Variants in TBP observed in about 807,000 individuals in gnomAD.
The protein encoded by TBP is TATA-box binding protein, also known as TATA-box-binding protein.
A neutral mutation model predicts 46.2 loss-of-function variants in TBP; 12 were observed. The ratio of observed to expected loss-of-function variants is 0.26; its 90% confidence interval spans 0.17 to 0.42. The LOEUF is 0.42. TBP is among the 10% of genes least tolerant of loss of function. The probability of loss-of-function intolerance (pLI) is 1.00; values close to 1 mark genes in which losing one functional copy is unlikely to be tolerated. For missense variants in TBP, 229 were observed against 403.1 expected, an observed-to-expected ratio of 0.57 and a Z score of 3.70; for synonymous variants, 157 against 148.3, an observed-to-expected ratio of 1.06 and a Z score of -0.42.
intron 3 of TBP, among the ~76,000 whole-genome samples, chr6:170,563,020 A>G (rs12200657): frequency 0.066 from 9,967 of 152,130 alleles, 422 homozygotes; most frequent in African/African-American, 0.11. Flanking sequence ...ATCTCTCATC[A>G]TTTTTGGAAC....
chr6:170,562,190 G>A lies in TBP; in HGVS notation c.454G>A (p.Ala152Thr), dbSNP rs773248432. The A allele has an allele frequency of 6.2e-7, 1 of 1,614,104 alleles. No homozygotes were observed. Among genetic ancestry groups the A allele is most frequent in the East Asian group, 2.2e-5 (1 of 44,880 alleles). Residue 152 changes from alanine to threonine, a missense_variant, in exon 3 of 8, where the codon GCC becomes ACC. This residue lies in a region of TBP where 67 missense variants were observed against 188.2 expected (regional missense o/e 0.36). Coordinates refer to ENST00000392092, the MANE Select transcript of TBP (RefSeq NM_003194.5). ...GACTCCCATGACCCCCATCACTCCT[G>A]CCACGCCAGCTTCGGAGAGTTCTGG... ...PMTPMTPITP[A>T]TPASESSGIV...
At chr6:170,557,788 C>CA (rs1357257876) in intron 2 of TBP, among the ~76,000 whole-genome samples, 2 of 116,466 alleles carry the variant, frequency 1.7e-5, no homozygotes, top group South Asian at 3.0e-4. Context: ...AATATACATA[C>CA]AAAAAAACTC....
chr6:170,567,577 A>G (rs909400170), intron 5 of TBP: 5 of 152,252 alleles, frequency 3.3e-5, no homozygotes. Flanking sequence ...AATAACACAA[A>G]TACATCTTGA....
chr6:170,561,711 G>A, intron 2 of TBP, 80 bp from the exon 3 acceptor site: 1 of 1,553,874 alleles, frequency 6.4e-7, no homozygotes, highest in Non-Finnish European at 8.7e-7. Flanking sequence ...TTGCACACCT[G>A]ACCTGCTGTT....
At chr6:170,563,760 T>C (rs1258113470) in intron 3 of TBP, among the ~76,000 whole-genome samples, 1 of 152,252 alleles carries the variant, frequency 6.6e-6, no homozygotes, top group African/African-American at 2.4e-5. Context: ...TGCGAGACAG[T>C]TGTTGAGCAG....
At chr6:170,563,920 T>C (rs1779195586) in intron 3 of TBP, among the ~76,000 whole-genome samples, 1 of 152,252 alleles carries the variant, frequency 6.6e-6, no homozygotes, top group Non-Finnish European at 1.5e-5. Flanking sequence ...CTTGTATAAG[T>C]TATTCGTTAA....
chr6:170,558,338 T>C (rs1207680183), intron 2 of TBP, among the ~76,000 whole-genome samples: 1 of 152,228 alleles, frequency 6.6e-6, no homozygotes, highest in African/African-American at 2.4e-5. Context: ...CTCCACATCC[T>C]CACCAACACT....
At chr6:170,560,412 G>A (rs1431765531) in intron 2 of TBP, among the ~76,000 whole-genome samples, 1 of 152,174 alleles carries the variant, frequency 6.6e-6, no homozygotes, top group Non-Finnish European at 1.5e-5. Flanking sequence ...GGCTGAGGCG[G>A]GAGGGTCACT....
chr6:170,562,112 A>G lies in TBP; in HGVS notation c.376A>G (p.Thr126Ala). Residue 126 changes from threonine (T) to alanine (A), a missense_variant, in exon 3 of 8, where the codon ACT becomes GCT. Thr to Ala is a moderately conservative substitution (Grantham distance 58, BLOSUM62 0). This residue lies in a region of TBP where 69 missense variants were observed against 66.2 expected (regional missense o/e 1.04). Coordinates refer to ENST00000392092, the MANE Select transcript of TBP (RefSeq NM_003194.5). ...GGCACCACAGCTCTTCCACTCACAG[A>G]CTCTCACAACTGCACCCTTGCCGGG... ...GQAPQLFHSQTLTTAPLPGTT... is the reference protein window; with the variant it reads ...GQAPQLFHSQALTTAPLPGTT... 6.2e-7 allele frequency: 1 copy of G among 1,613,144 alleles called. No individual in the cohort carries two copies. The highest frequency in any genetic ancestry group is 8.5e-7 in the Non-Finnish European group (1 of 1,179,756).
At position 170,567,037 on chromosome 6, in the gene TBP, T is replaced by C. The variant is rs750153878; in HGVS notation, c.677+28T>C. 3.8e-6 allele frequency: 6 copies of C among 1,589,120 alleles called. No homozygotes were observed. In the East Asian group the frequency reaches 1.1e-4, roughly 30 times the overall value. On this transcript the variant is annotated intron_variant, in intron 5 of 7. Transcript: ENST00000392092. Reference sequence around the variant, plus strand: ...AGCCGTAAGAAATTCATTCTTCTGGTCTATGGGTTATGAATGAAAAGGTGA... The same window carrying C: ...AGCCGTAAGAAATTCATTCTTCTGGCCTATGGGTTATGAATGAAAAGGTGA...
rs745849827 is a variant in TBP, at chr6:170,572,656, A to G, written c.*391A>G. 5.5e-6 allele frequency: 1 copy of G among 181,052 alleles called. No homozygotes were observed. Among genetic ancestry groups the G allele is most frequent in the Non-Finnish European group, 1.1e-5 (1 of 87,644 alleles). The allele number at this position is 181,052 out of a possible 1,614,324, so 11.2% of individuals were successfully genotyped here. On this transcript the variant is annotated 3_prime_UTR_variant, in exon 8 of 8. Coordinates refer to ENST00000392092, the MANE Select transcript of TBP (RefSeq NM_003194.5). ...TTTCCCCATGAACCACAGTTTTTAT[A>G]TTTCTACCAGAAAAGTAAAAATCTT...
intron 2 of TBP, among the ~76,000 whole-genome samples, chr6:170,559,336 G>C (rs1054912511): frequency 3.3e-5 from 5 of 152,174 alleles, no homozygotes; most frequent in African/African-American, 1.2e-4. Context: ...TAGGCCTCTT[G>C]CACCAAATAG....
chr6:170,557,005 G>T lies in TBP; in HGVS notation c.-25G>T. The T allele has an allele frequency of 6.2e-7, 1 of 1,613,572 alleles. No individual in the cohort carries two copies. Among genetic ancestry groups the T allele is most frequent in the Middle Eastern group, 1.7e-4 (1 of 6,060 alleles). On this transcript the variant is annotated 5_prime_UTR_variant, in exon 2 of 8. Transcript: ENST00000392092. Reference sequence around the variant, plus strand: ...ACGAGTTCCAGCGCAAGGGTTTCTGGTTTGCCAAGAAGAAAGTGAACATCA... The same window carrying T: ...ACGAGTTCCAGCGCAAGGGTTTCTGTTTTGCCAAGAAGAAAGTGAACATCA...
At chr6:170,571,625 C>T in intron 7 of TBP, 121 bp downstream of exon 7, 1 of 739,920 alleles carries the variant, frequency 1.4e-6, no homozygotes, top group Non-Finnish European at 2.3e-6. Context: ...ACAAAGGCCT[C>T]CCACCCAAAG....
chr6:170,571,295 T>C, intron 6 of TBP, 115 bp from the exon 7 acceptor site: 1 of 700,354 alleles, frequency 1.4e-6, no homozygotes. Context: ...TGAAGAACTG[T>C]GTTTTACCTC....
At chr6:170,557,131 C>T (rs1779044209) in intron 2 of TBP, 48 bp downstream of exon 2, 2 of 1,540,100 alleles carry the variant, frequency 1.3e-6, no homozygotes, top group South Asian at 1.1e-5. Context: ...ATCTGAACTG[C>T]AAGAGATGGT....
At position 170,568,815 on chromosome 6, in the gene TBP, C is replaced by CTTTT. The variant is rs377394208; in HGVS notation, c.678-773_678-770dup. 5.0e-3 allele frequency among the ~76,000 whole-genome samples: 310 copies of CTTTT among 62,596 alleles called. 89 individuals are homozygous for CTTTT. Among genetic ancestry groups the CTTTT allele is most frequent in the African/African-American group, 0.014 (201 of 14,826 alleles). The allele number at this position is 62,596 out of a possible 152,430, so 41.1% of individuals were successfully genotyped here. ...TTCTCTTCTTTCTTTCTTTCCTTTT[C>CTTTT]TTTTTTTTTTTTTTTTTTTTTTTTT... On this transcript the variant is annotated intron_variant, in intron 5 of 7. Transcript: ENST00000392092.
intron 3 of TBP, 88 bp from the exon 4 acceptor site, chr6:170,564,457 A>G (rs1365451291): frequency 1.1e-6 from 1 of 880,444 alleles, no homozygotes; most frequent in Non-Finnish European, 1.8e-6. Context: ...TGGTTGAAAT[A>G]ATCAGATGTC....
intron 4 of TBP, among the ~76,000 whole-genome samples, chr6:170,565,859 G>A (rs1031248894): frequency 1.3e-5 from 2 of 152,130 alleles, no homozygotes; most frequent in African/African-American, 2.4e-5. Flanking sequence ...GATCACTTGA[G>A]GCCAACAGTT....
Sources: gnomAD v4.1 joint callset for allele counts (sites outside exome capture counted in the v4.1 genomes callset) on GRCh38, gnomAD v4.1.1 for gene constraint, gnomAD v4.1.1 regional missense constraint, MANE v1.5 for transcripts, NCBI Gene and HGNC (gene_info 2026-07-23, HGNC 2026-07-21) for gene names.